Variants in SORCS2 observed in about 807,000 individuals in gnomAD.
SORCS2 encodes the protein VPS10 domain-containing receptor SorCS2.
SORCS2 carries 100 observed loss-of-function variants against 141.6 expected under a neutral mutation model. That is an observed-to-expected ratio of 0.71 (90% CI 0.60 to 0.83). SORCS2 has a LOEUF of 0.83. Among genes scored for constraint, SORCS2 ranks in the 40% least tolerant of loss-of-function variants. The pLI, the probability that SORCS2 is intolerant of heterozygous loss-of-function variation, is 0.00. For missense variants in SORCS2, 1,646 were observed against 1,560.2 expected, an observed-to-expected ratio of 1.05 and a Z score of -0.93; for synonymous variants, 789 against 676.9, an observed-to-expected ratio of 1.17 and a Z score of -2.57.
At chr4:7,427,832 C>T (rs60344291) in intron 2 of SORCS2, among the ~76,000 whole-genome samples, 8,342 of 148,738 alleles carry the variant, frequency 0.056, 775 homozygotes, top group African/African-American at 0.19. Context: ...CCCCAACGAT[C>T]CCACACCACC....
intron 1 of SORCS2, among the ~76,000 whole-genome samples, chr4:7,338,927 C>G (rs538630570): frequency 1.3e-5 from 2 of 152,158 alleles, no homozygotes; most frequent in African/African-American, 4.8e-5. Context: ...AAGCCATACC[C>G]GCACCAGGGA....
At chr4:7,226,291 G>C (rs1009094981) in intron 1 of SORCS2, among the ~76,000 whole-genome samples, 4 of 152,190 alleles carry the variant, frequency 2.6e-5, no homozygotes, top group Non-Finnish European at 5.9e-5. Context: ...GCCAGCCTGA[G>C]GTCACAAAGC....
chr4:7,567,204 G>A (rs907668787), intron 3 of SORCS2, among the ~76,000 whole-genome samples: 1 of 152,122 alleles, frequency 6.6e-6, no homozygotes, highest in East Asian at 1.9e-4. Flanking sequence ...TCTGACATTG[G>A]TATGTACATT....
At chr4:7,306,135 G>T (rs772706371) in intron 1 of SORCS2, among the ~76,000 whole-genome samples, 1 of 152,204 alleles carries the variant, frequency 6.6e-6, no homozygotes, top group Admixed American at 6.5e-5. Flanking sequence ...CACGCTCCCT[G>T]AAAATGAGTA....
intron 3 of SORCS2, among the ~76,000 whole-genome samples, chr4:7,534,574 G>T (rs1711953181): frequency 6.6e-6 from 1 of 152,252 alleles, no homozygotes; most frequent in Admixed American, 6.5e-5. Context: ...CTCCTGGGTT[G>T]TCTGAGTGGG....
In SORCS2 at chr4:7,666,648, C is replaced by T. The variant is rs142898555; in HGVS notation, c.1072-476C>T. On this transcript the variant is annotated intron_variant, in intron 7 of 26. Transcript: ENST00000507866. ...GAGACCTGCCACAGTCCTGTCCTGA[C>T]GGGCCTTTCTGTCTCTGGGAACAGA... Among the ~76,000 whole-genome samples, 613 of 152,246 alleles carry T rather than the reference C, an allele frequency of 4.0e-3. 7 individuals are homozygous for T. Among genetic ancestry groups the T allele is most frequent in the African/African-American group, 0.014 (592 of 41,544 alleles).
intron 1 of SORCS2, among the ~76,000 whole-genome samples, chr4:7,267,872 G>C (rs182331264): frequency 6.6e-6 from 1 of 152,310 alleles, no homozygotes; most frequent in African/African-American, 2.4e-5. Flanking sequence ...TCGGGGGTCT[G>C]TCAGTCAACC....
chr4:7,455,054 AGATGCTGTGTTGGGGTCAGC>A (rs1728793247), intron 2 of SORCS2, among the ~76,000 whole-genome samples: 6 of 82,100 alleles, frequency 7.3e-5, no homozygotes, highest in Non-Finnish European at 9.5e-5. Flanking sequence ...TGTTGGGGTC[AGATGCTGTGTTGGGGTCAGC>A]TGCTGTGTTG....
rs77766749 is a variant in SORCS2, at chr4:7,416,309, G to A, written c.548+19954G>A. Among the ~76,000 whole-genome samples, 1,020 of 152,280 alleles carry A rather than the reference G, an allele frequency of 6.7e-3. 5 individuals are homozygous for A. Among genetic ancestry groups the A allele is most frequent in the Middle Eastern group, 0.054 (16 of 294 alleles). On this transcript the variant is annotated intron_variant, in intron 2 of 26. Transcript: ENST00000507866. ...TCAGCCAGTGGGCAAAGGAGGCGTG[G>A]TATTCAATAGGGTGCTTGGCCCACA...
At chr4:7,486,403 C>T (rs185584021) in intron 2 of SORCS2, among the ~76,000 whole-genome samples, 36 of 58,912 alleles carry the variant, frequency 6.1e-4, no homozygotes, top group African/African-American at 1.0e-3. Context: ...GGGCAGGATG[C>T]GGCCTCCACG....
chr4:7,626,613 A>T (rs544383706), intron 3 of SORCS2, among the ~76,000 whole-genome samples: 1 of 152,316 alleles, frequency 6.6e-6, no homozygotes, highest in African/African-American at 2.4e-5. Flanking sequence ...GTGTGTACGT[A>T]TTTATGTACG....
intron 1 of SORCS2, among the ~76,000 whole-genome samples, chr4:7,266,972 G>C (rs1714778557): frequency 6.6e-6 from 1 of 152,174 alleles, no homozygotes; most frequent in Non-Finnish European, 1.5e-5. Context: ...GAATCAGTGG[G>C]GGGTGGGGGA....
In SORCS2 at chr4:7,703,300, C is replaced by T. The variant is rs982176626; in HGVS notation, c.1689C>T (p.His563=). Residue 563 remains histidine (H), a synonymous_variant, in exon 13 of 27, where the codon CAC becomes CAT. Coordinates refer to ENST00000507866, the MANE Select transcript of SORCS2 (RefSeq NM_020777.3). ...TGCAGGTGTTTGAGGAAGAGCATCACATCCTGTACCTGGACCACGGCGGCG... is the reference window on the plus strand; with the variant it reads ...TGCAGGTGTTTGAGGAAGAGCATCATATCCTGTACCTGGACCACGGCGGCG... ...TWRQVFEEEH[H]ILYLDHGGVI... 3.7e-6 allele frequency: 6 copies of T among 1,612,882 alleles called. No homozygotes were observed. The African/African-American group carries it at 8.0e-5, about 22-fold the overall frequency.
intron 1 of SORCS2, among the ~76,000 whole-genome samples, chr4:7,383,991 G>A (rs1206811287): frequency 6.6e-6 from 1 of 152,206 alleles, no homozygotes; most frequent in African/African-American, 2.4e-5. Context: ...TTTATTTGCT[G>A]CTGACTGATT....
chr4:7,704,057 T>C (rs1031050897), intron 13 of SORCS2, 120 bp from the exon 14 acceptor site: 19 of 772,486 alleles, frequency 2.5e-5, no homozygotes, highest in African/African-American at 2.4e-4. Context: ...TGGTATCACC[T>C]GCACTGGCAA....
chr4:7,680,390 C>T (rs897180623), intron 9 of SORCS2, among the ~76,000 whole-genome samples: 16 of 152,242 alleles, frequency 1.1e-4, no homozygotes, highest in African/African-American at 3.6e-4. Flanking sequence ...GACATGGAGT[C>T]CTGGGTTTCT....
At chr4:7,279,956 C>T (rs1006998784) in intron 1 of SORCS2, among the ~76,000 whole-genome samples, 17 of 150,978 alleles carry the variant, frequency 1.1e-4, no homozygotes, top group Non-Finnish European at 1.6e-4. Context: ...CATCCCAACT[C>T]CCAGCTGACC....
intron 3 of SORCS2, among the ~76,000 whole-genome samples, chr4:7,544,233 T>A (rs1165855543): frequency 2.6e-5 from 4 of 152,240 alleles, no homozygotes; most frequent in Admixed American, 2.6e-4. Flanking sequence ...AACTTATTTA[T>A]TCATTCAACT....
At chr4:7,720,892 C>G (rs1480517029) in intron 18 of SORCS2, among the ~76,000 whole-genome samples, 1 of 152,212 alleles carries the variant, frequency 6.6e-6, no homozygotes, top group African/African-American at 2.4e-5. Context: ...GCTGGGGAGA[C>G]TGGAGAATGC....
Sources: gnomAD v4.1 joint callset for allele counts (sites outside exome capture counted in the v4.1 genomes callset) on GRCh38, gnomAD v4.1.1 for gene constraint, MANE v1.5 for transcripts, NCBI Gene and HGNC (gene_info 2026-07-23, HGNC 2026-07-21) for gene names.